Variants in ZFYVE16 observed in about 807,000 individuals in gnomAD.
ZFYVE16 encodes the protein zinc finger FYVE-type containing 16.
In ZFYVE16, 89 loss-of-function variants were observed where a neutral mutation model predicts 138.1. That is an observed-to-expected ratio of 0.64 (90% confidence interval 0.54 to 0.77). The LOEUF (loss-of-function observed/expected upper bound fraction) is 0.77, where lower values mean the gene tolerates loss of function less well. Among genes scored for constraint, ZFYVE16 ranks in the 30% least tolerant of loss-of-function variants. The probability of loss-of-function intolerance (pLI) is 0.00; values close to 1 mark genes in which losing one functional copy is unlikely to be tolerated. For missense variants in ZFYVE16, 1,793 were observed against 1,786.7 expected (o/e 1.00, Z -0.06); for synonymous variants, 596 against 618.3 (o/e 0.96, Z 0.53).
chr5:80,476,408 T>G (rs755577481), intron 18 of ZFYVE16, among the ~76,000 whole-genome samples: 13 of 152,172 alleles, frequency 8.5e-5, no homozygotes, highest in Non-Finnish European at 1.3e-4. Context: ...GCAGTTCTCC[T>G]GCCTTGGCCT....
intron 1 of ZFYVE16, among the ~76,000 whole-genome samples, chr5:80,412,492 TTAA>T (rs1292888022): frequency 6.6e-6 from 1 of 152,170 alleles, no homozygotes; most frequent in African/African-American, 2.4e-5. Flanking sequence ...TATACACAGC[TTAA>T]TGAGATTTCA....
chr5:80,444,230 A>G (rs1751042460), intron 6 of ZFYVE16, among the ~76,000 whole-genome samples: 1 of 152,168 alleles, frequency 6.6e-6, no homozygotes. Context: ...ACTCAGCATT[A>G]TATGGTCGTA....
At chr5:80,441,592 T>G (rs997026238) in intron 5 of ZFYVE16, 14 of 985,250 alleles carry the variant, frequency 1.4e-5, no homozygotes, top group Non-Finnish European at 1.7e-5. Context: ...GTGAGACATA[T>G]GCCATGAAGG....
rs1179233351 is a variant in ZFYVE16 at position 80,451,511 on chromosome 5, AT to A, written c.3411del (p.Thr1138ProfsTer56). On this transcript the variant is annotated frameshift_variant, in exon 11 of 19. Transcript: ENST00000505560. LOFTEE classifies it high-confidence loss of function. ...AAAATACATAGAAAACTTGGACAATATTACCTTTACTGAGAGTTTTCTCAGT... is the reference window on the plus strand; with the variant it reads ...AAAATACATAGAAAACTTGGACAATATACCTTTACTGAGAGTTTTCTCAGT... ...KGKYIENLDN[I>X]TFTESFLSSK... The A allele has an allele frequency of 3.1e-6, 5 of 1,612,562 alleles. No homozygotes were observed. The highest frequency in any genetic ancestry group is 4.2e-6 in the Non-Finnish European group (5 of 1,179,494).
chr5:80,464,387 C>T (rs1435933977), intron 15 of ZFYVE16, among the ~76,000 whole-genome samples: 1 of 152,136 alleles, frequency 6.6e-6, no homozygotes, highest in African/African-American at 2.4e-5. Context: ...ACCATCAGAT[C>T]TTGCAAGAAC....
intron 15 of ZFYVE16, among the ~76,000 whole-genome samples, chr5:80,472,129 G>A (rs968693366): frequency 6.6e-6 from 1 of 152,022 alleles, no homozygotes; most frequent in Non-Finnish European, 1.5e-5. Flanking sequence ...TGTGTCCCCA[G>A]TTCTAGTCCA....
At chr5:80,432,584 A>G (rs1749228229) in intron 2 of ZFYVE16, among the ~76,000 whole-genome samples, 1 of 152,232 alleles carries the variant, frequency 6.6e-6, no homozygotes, top group Non-Finnish European at 1.5e-5. Flanking sequence ...AAATTGACAA[A>G]TGGGATCAGA....
intron 1 of ZFYVE16, among the ~76,000 whole-genome samples, chr5:80,426,248 G>GTC (rs1235013407): frequency 5.8e-4 from 32 of 55,152 alleles, no homozygotes; most frequent in Admixed American, 1.5e-3. Context: ...GTGTCTGTGT[G>GTC]TGTGTGTGTG....
chr5:80,465,037 T>C (rs1035832102), intron 15 of ZFYVE16, among the ~76,000 whole-genome samples: 1 of 152,232 alleles, frequency 6.6e-6, no homozygotes, highest in Non-Finnish European at 1.5e-5. Flanking sequence ...TATTGATTTA[T>C]GCAGATGTTT....
At chr5:80,465,400 G>T (rs144499856) in intron 15 of ZFYVE16, among the ~76,000 whole-genome samples, 1,314 of 26,490 alleles carry the variant, frequency 0.05, 6 homozygotes, top group South Asian at 0.076. Flanking sequence ...CCTTTTCTTT[G>T]TTTTTTTTTT....
In ZFYVE16 at chr5:80,409,826, C is replaced by T. The variant is rs2112112170; in HGVS notation, c.-94+1673C>T. 2.0e-5 allele frequency: 3 copies of T among 152,296 alleles called. No individual in the cohort carries two copies. In the South Asian group the frequency reaches 6.2e-4, roughly 32 times the overall value. 9.4% of individuals were successfully genotyped at this position (152,296 alleles called of 1,614,324 possible). A position where few individuals can be genotyped will look rare whatever the true frequency, so the allele number is the denominator to read the frequency against. On this transcript the variant is annotated intron_variant, in intron 1 of 18. Transcript: ENST00000505560. ...CACAGTTTGAGAAAGCTGATTTAAC[C>T]ATTTTTGGATTGGTGGGCTGTTAGG...
At chr5:80,462,247 A>T (rs1480930366) in intron 15 of ZFYVE16, among the ~76,000 whole-genome samples, 1 of 152,212 alleles carries the variant, frequency 6.6e-6, no homozygotes, top group Non-Finnish European at 1.5e-5. Flanking sequence ...TGGGTAATTT[A>T]TAAAAGACAG....
In ZFYVE16 at chr5:80,438,924, G is replaced by A. The variant is rs1465879405; in HGVS notation, c.2239G>A (p.Asp747Asn). The A allele has an allele frequency of 1.2e-6, 2 of 1,614,090 alleles. No homozygotes were observed. Among genetic ancestry groups the A allele is most frequent in the Admixed American group, 3.3e-5 (2 of 60,014 alleles). ...CCAGAAACAGCCTACTTGGGTTCCTGATTCAGAAGCTCCAAACTGTATGAA... is the reference window on the plus strand; with the variant it reads ...CCAGAAACAGCCTACTTGGGTTCCTAATTCAGAAGCTCCAAACTGTATGAA... ...LGQKQPTWVP[D>N]SEAPNCMNCQ... is the part of the protein sequence containing the mutation. Residue 747 changes from aspartate to asparagine, a missense_variant, in exon 4 of 19, where the codon GAT (aspartate) becomes AAT (asparagine). Asp to Asn is a conservative substitution (Grantham distance 23). Around this residue, in one of 2 missense-constraint regions of ZFYVE16, gnomAD observed 1,295 missense variants for 1,204.3 expected, o/e 1.08. Coordinates refer to ENST00000505560, the MANE Select transcript of ZFYVE16 (RefSeq NM_001284236.3).
intron 1 of ZFYVE16, among the ~76,000 whole-genome samples, chr5:80,418,776 A>C (rs956462927): frequency 6.6e-6 from 1 of 152,162 alleles, no homozygotes; most frequent in South Asian, 2.1e-4. Context: ...AATAAGATCA[A>C]ACTTACCATT....
chr5:80,448,001 A>AT (rs111272747), intron 7 of ZFYVE16, 25 bp from the exon 8 acceptor site: 2 of 1,530,036 alleles, frequency 1.3e-6, no homozygotes, highest in South Asian at 2.7e-5. Context: ...CTGATTTGTT[A>AT]TTTTTTTTAT....
chr5:80,443,041 A>G (rs1289915718), intron 5 of ZFYVE16, 82 bp from the exon 6 acceptor site: 1 of 1,315,190 alleles, frequency 7.6e-7, no homozygotes, highest in Non-Finnish European at 1.0e-6. Flanking sequence ...CAACTTGAAA[A>G]ATAGAATATT....
At chr5:80,420,527 T>G (rs1034818363) in intron 1 of ZFYVE16, among the ~76,000 whole-genome samples, 1 of 152,108 alleles carries the variant, frequency 6.6e-6, no homozygotes, top group Non-Finnish European at 1.5e-5. Flanking sequence ...TTCCCACCTA[T>G]GAGTGAGAAC....
upstream of ZFYVE16, among the ~76,000 whole-genome samples, chr5:80,407,763 A>G: frequency 6.6e-6 from 1 of 152,162 alleles, no homozygotes. Context: ...AGGGTAAAGG[A>G]AGTCAGACAC....
intron 1 of ZFYVE16, among the ~76,000 whole-genome samples, chr5:80,411,953 T>G (rs1486525194): frequency 2.0e-5 from 3 of 152,172 alleles, no homozygotes; most frequent in African/African-American, 7.2e-5. Context: ...TTGCCACTTT[T>G]ATTTCATTTT....
Sources: gnomAD v4.1 joint callset for allele counts (sites outside exome capture counted in the v4.1 genomes callset) on GRCh38, gnomAD v4.1.1 for gene constraint, gnomAD v4.1.1 regional missense constraint, MANE v1.5 for transcripts, NCBI Gene and HGNC (gene_info 2026-07-23, HGNC 2026-07-21) for gene names.